Variants in CEP63 observed in about 807,000 individuals in gnomAD.
The protein encoded by CEP63 is centrosomal protein 63.
In CEP63, 84 loss-of-function variants were observed where a neutral mutation model predicts 89.1. The ratio of observed to expected loss-of-function variants is 0.94; its 90% CI spans 0.79 to 1.13. The LOEUF is 1.13. Ranked by LOEUF, CEP63 falls within the 50% of genes most tolerant of loss-of-function variation. The pLI, the probability that CEP63 is intolerant of heterozygous loss-of-function variation, is 0.00. For missense variants in CEP63, 838 were observed against 813.3 expected, an observed-to-expected ratio of 1.03 and a Z score of -0.37; for synonymous variants, 267 against 272.5, an observed-to-expected ratio of 0.98 and a Z score of 0.20.
At chr3:134,707,763 C>T in the CEP63 span, among the ~76,000 whole-genome samples, 4 of 71,438 alleles carry the variant, frequency 5.6e-5, no homozygotes, top group Admixed American at 2.1e-4. Flanking sequence ...TTTTGGAGAA[C>T]ACAATTAATG....
the CEP63 span, among the ~76,000 whole-genome samples, chr3:134,703,560 G>T: frequency 1.3e-5 from 2 of 152,122 alleles, no homozygotes; most frequent in Non-Finnish European, 2.9e-5. Flanking sequence ...TCACTTATAA[G>T]TGGGAGCTGA....
At chr3:134,770,294 G>C in the CEP63 span, among the ~76,000 whole-genome samples, 2 of 152,182 alleles carry the variant, frequency 1.3e-5, no homozygotes, top group Admixed American at 1.3e-4. Context: ...AGAACCCCCA[G>C]GTGATTCTGA....
intron 1 of CEP63, among the ~76,000 whole-genome samples, chr3:134,493,597 C>A (rs903578141): frequency 2.6e-5 from 4 of 152,114 alleles, no homozygotes; most frequent in Admixed American, 1.3e-4. Context: ...TTGTTAGTAT[C>A]TTTAAAAATA....
the CEP63 span, among the ~76,000 whole-genome samples, chr3:134,622,324 G>A: frequency 8.7e-4 from 132 of 152,268 alleles, no homozygotes; most frequent in Middle Eastern, 3.4e-3. Flanking sequence ...ATCCATGAAT[G>A]AAAGGATAAA....
chr3:134,642,577 G>A, the CEP63 span, among the ~76,000 whole-genome samples: 7 of 152,144 alleles, frequency 4.6e-5, no homozygotes, highest in Non-Finnish European at 8.8e-5. Flanking sequence ...AGTCCCCAGA[G>A]CCTGTCCCCA....
chr3:134,582,187 T>A lies in CEP63; in HGVS notation c.1207-5271T>A, dbSNP rs879311768. Among the ~76,000 whole-genome samples, 34 of 142,182 alleles carry A rather than the reference T, an allele frequency of 2.4e-4. 1 individual carries two copies. The highest frequency in any genetic ancestry group is 1.3e-3 in the East Asian group (6 of 4,624). The allele number at this position is 142,182 out of a possible 152,430, so 93.3% of individuals were successfully genotyped here. A position where few individuals can be genotyped will look rare whatever the true frequency, so the allele number is the denominator to read the frequency against. On this transcript the variant is annotated intron_variant, in intron 10 of 10. Coordinates refer to the CEP63 transcript ENST00000683931. ...TTATAACTACAGTGGATGGGTTTTT[T>A]AAAAAATTATACTTTAAGTTCTAGG... is the stretch of plus-strand genomic sequence containing the variant.
At chr3:134,675,749 T>C in the CEP63 span, among the ~76,000 whole-genome samples, 4 of 152,254 alleles carry the variant, frequency 2.6e-5, no homozygotes, top group African/African-American at 7.2e-5. Flanking sequence ...AAAGATGGTA[T>C]ACTAATGACC....
chr3:134,775,515 A>C, the CEP63 span, among the ~76,000 whole-genome samples: 6 of 152,304 alleles, frequency 3.9e-5, no homozygotes, highest in African/African-American at 1.4e-4. Context: ...TCTCCAGAAC[A>C]GAGGTCAACT....
downstream of CEP63, among the ~76,000 whole-genome samples, chr3:134,588,855 C>T (rs1958540861): frequency 6.6e-6 from 1 of 152,062 alleles, no homozygotes; most frequent in African/African-American, 2.4e-5. Flanking sequence ...ATACAAATTA[C>T]AAATATCAGG....
the CEP63 span, among the ~76,000 whole-genome samples, chr3:134,678,221 C>T: frequency 6.6e-6 from 1 of 152,090 alleles, no homozygotes; most frequent in Non-Finnish European, 1.5e-5. Flanking sequence ...GTGTTGCTCT[C>T]CTGCCCTCCG....
the CEP63 span, among the ~76,000 whole-genome samples, chr3:134,752,919 G>T: frequency 6.6e-6 from 1 of 152,062 alleles, no homozygotes; most frequent in Non-Finnish European, 1.5e-5. Flanking sequence ...TCTGCCTACC[G>T]CTTCCAGGCT....
chr3:134,645,267 C>T, the CEP63 span, among the ~76,000 whole-genome samples: 4 of 152,274 alleles, frequency 2.6e-5, no homozygotes, highest in South Asian at 4.2e-4. Flanking sequence ...CCTGCTGCTT[C>T]GAAAAGTTTG....
chr3:134,584,956 G>GTTTTTTTTTTTTGTTTTT (rs1553799205), intron 10 of CEP63, among the ~76,000 whole-genome samples: 1 of 36,034 alleles, frequency 2.8e-5, no homozygotes, highest in African/African-American at 8.5e-5. Context: ...ATTTTCTAGG[G>GTTTTTTTTTTTTGTTTTT]TTTTTTTTTT....
chr3:134,553,148 T>C (rs1955287538), intron 12 of CEP63: 1 of 152,182 alleles, frequency 6.6e-6, no homozygotes. Flanking sequence ...AAAAGATATA[T>C]GGTTCCAACA....
At chr3:134,491,241 CA>C (rs914377534) in intron 1 of CEP63, among the ~76,000 whole-genome samples, 2 of 152,180 alleles carry the variant, frequency 1.3e-5, no homozygotes, top group African/African-American at 4.8e-5. Flanking sequence ...AGTGTATTAT[CA>C]AACATTTAAT....
chr3:134,637,765 C>A, the CEP63 span, among the ~76,000 whole-genome samples: 2 of 152,198 alleles, frequency 1.3e-5, no homozygotes, highest in Non-Finnish European at 2.9e-5. Flanking sequence ...CGTTACATGC[C>A]CTGAGCCATG....
the CEP63 span, among the ~76,000 whole-genome samples, chr3:134,677,140 GGC>G: frequency 1.2e-5 from 1 of 82,370 alleles, no homozygotes; most frequent in African/African-American, 5.3e-5. Flanking sequence ...AGGAAGCTGA[GGC>G]AGGAGAATTG....
the CEP63 span, among the ~76,000 whole-genome samples, chr3:134,721,109 G>A: frequency 1.3e-5 from 2 of 152,046 alleles, no homozygotes; most frequent in African/African-American, 4.8e-5. Context: ...AGCATGGTAT[G>A]TCTTTCCACT....
intron 5 of CEP63, among the ~76,000 whole-genome samples, chr3:134,534,163 A>C (rs893806482): frequency 1.3e-5 from 2 of 152,182 alleles, no homozygotes; most frequent in African/African-American, 2.4e-5. Context: ...TTCAGCACCC[A>C]GCTCACTGTC....
Sources: allele counts gnomAD v4.1 joint callset (sites outside exome capture counted in the v4.1 genomes callset), GRCh38; gene constraint gnomAD v4.1.1; transcripts MANE v1.5; gene names NCBI Gene and HGNC (gene_info 2026-07-23, HGNC 2026-07-21).